FRMD4A: variants seen among roughly 807,000 people sequenced by gnomAD.
FRMD4A encodes the protein FERM domain containing 4A.
A neutral mutation model predicts 129.1 loss-of-function variants in FRMD4A; 29 were observed. That is an observed-to-expected ratio of 0.22 (90% CI 0.17 to 0.31). The LOEUF (loss-of-function observed/expected upper bound fraction) is 0.31, where lower values mean the gene tolerates loss of function less well. FRMD4A is among the 10% of genes least tolerant of loss of function. FRMD4A has a pLI of 1.00. For synonymous variants in FRMD4A, 634 were observed against 571.6 expected (o/e 1.11, Z -1.56); for missense variants, 1,272 against 1,375.8 (o/e 0.92, Z 1.19).
intron 2 of FRMD4A, among the ~76,000 whole-genome samples, chr10:13,902,456 G>GGAGAGGGAGAGA (rs1554963860): frequency 1.6e-5 from 2 of 127,700 alleles, no homozygotes; most frequent in East Asian, 4.5e-4. Context: ...GCAAAATACT[G>GGAGAGGGAGAGA]GAGAGAGAGA....
chr10:14,285,675 A>C (rs1181004900), intron 2 of FRMD4A, among the ~76,000 whole-genome samples: 1 of 152,254 alleles, frequency 6.6e-6, no homozygotes, highest in East Asian at 1.9e-4. Flanking sequence ...GGTTTATATG[A>C]AATACCAGGT....
At chr10:13,667,104 G>A (rs1564559927) in intron 17 of FRMD4A, among the ~76,000 whole-genome samples, 1 of 152,020 alleles carries the variant, frequency 6.6e-6, no homozygotes, top group South Asian at 2.1e-4. Flanking sequence ...TAGAGATGGG[G>A]TTTTACCATG....
chr10:13,862,706 G>T (rs957173926), intron 2 of FRMD4A, among the ~76,000 whole-genome samples: 13 of 152,216 alleles, frequency 8.5e-5, no homozygotes, highest in African/African-American at 2.4e-4. Context: ...TCTTTTGACA[G>T]CACTGCTGTG....
intron 2 of FRMD4A, among the ~76,000 whole-genome samples, chr10:14,151,151 C>T (rs1840319196): frequency 6.6e-6 from 1 of 152,188 alleles, no homozygotes; most frequent in African/African-American, 2.4e-5. Context: ...ACAGCAACCC[C>T]ACTTCTGGCT....
At chr10:14,152,794 T>G (rs1201817799) in intron 2 of FRMD4A, among the ~76,000 whole-genome samples, 1 of 151,914 alleles carries the variant, frequency 6.6e-6, no homozygotes, top group Non-Finnish European at 1.5e-5. Flanking sequence ...GAGCTATGAT[T>G]GCACCACTGC....
At chr10:13,790,218 T>C (rs1473045281) in intron 5 of FRMD4A, among the ~76,000 whole-genome samples, 4 of 151,958 alleles carry the variant, frequency 2.6e-5, no homozygotes, top group African/African-American at 7.3e-5. Context: ...GCAGGGGTGA[T>C]GGTGCCCATC....
At position 14,230,201 on chromosome 10, in the gene FRMD4A, ATG is replaced by A. The variant is rs1291125758; in HGVS notation, c.45+99855_45+99856del. Among the ~76,000 whole-genome samples the A allele has an allele frequency of 2.0e-5, 3 of 152,334 alleles. 1 individual carries two copies. In the East Asian group the frequency reaches 5.8e-4, roughly 29 times the overall value. ...CAGTTGCTCATTTCCCAAATCAGAA[ATG>A]TGGGGCCCTCTCCCCCCTAGCATCT... On this transcript the variant is annotated intron_variant, in intron 2 of 24. Coordinates refer to ENST00000357447, the MANE Select transcript of FRMD4A (RefSeq NM_018027.5).
chr10:14,319,367 T>TCTCTCTCTCTCTCACA (rs112041665), intron 2 of FRMD4A, among the ~76,000 whole-genome samples: 4 of 145,050 alleles, frequency 2.8e-5, no homozygotes, highest in East Asian at 2.0e-4. Flanking sequence ...TCTCTCTCTC[T>TCTCTCTCTCTCTCACA]CACACACACA....
intron 3 of FRMD4A, among the ~76,000 whole-genome samples, chr10:13,819,196 G>T (rs544651887): frequency 6.6e-6 from 1 of 152,086 alleles, no homozygotes; most frequent in Non-Finnish European, 1.5e-5. Flanking sequence ...TGCTAGCCTG[G>T]TATTTAAGAC....
At chr10:14,127,968 T>TTCTCTCTCTCTCTCTCTC (rs1440627660) in intron 2 of FRMD4A, among the ~76,000 whole-genome samples, 1 of 33,612 alleles carries the variant, frequency 3.0e-5, no homozygotes, top group Admixed American at 3.2e-4. Context: ...CTTTCTTTCT[T>TTCTCTCTCTCTCTCTCTC]TCTTTCTTTC....
intron 17 of FRMD4A, among the ~76,000 whole-genome samples, chr10:13,666,593 T>C (rs958365317): frequency 2.0e-5 from 3 of 152,222 alleles, no homozygotes; most frequent in African/African-American, 7.2e-5. Context: ...TAGGGATCGC[T>C]TGGCTGTGTT....
chr10:13,800,860 G>T (rs2093237789), intron 4 of FRMD4A, among the ~76,000 whole-genome samples: 1 of 152,188 alleles, frequency 6.6e-6, no homozygotes, highest in Non-Finnish European at 1.5e-5. Context: ...CTAAAAGAAT[G>T]ACTTTTTAAG....
In FRMD4A at chr10:13,715,836, G is replaced by A. The variant is rs531570972; in HGVS notation, c.760-8723C>T. 2.0e-5 allele frequency among the ~76,000 whole-genome samples: 3 copies of A among 151,028 alleles called. No individual in the cohort carries two copies. The East Asian group carries it at 5.8e-4, about 29-fold the overall frequency. ...AAGCAGAATTGCTTGAATTCGGGAG[G>A]CGGAGGTTGCAGTGAGCAGAGACGT... On this transcript the variant is annotated intron_variant, in intron 12 of 24. Coordinates refer to ENST00000357447, the MANE Select transcript of FRMD4A (RefSeq NM_018027.5).
chr10:13,950,887 C>T lies in FRMD4A; in HGVS notation c.46-91975G>A, dbSNP rs552150120. On this transcript the variant is annotated intron_variant, in intron 2 of 24. Coordinates refer to ENST00000357447, the MANE Select transcript of FRMD4A (RefSeq NM_018027.5). Reference sequence around the variant, plus strand: ...TCTCTCTTGCCATGGAGAATGGAAGCTTCCCTTATATTTGAGAGTCACAGA... The same window carrying T: ...TCTCTCTTGCCATGGAGAATGGAAGTTTCCCTTATATTTGAGAGTCACAGA... Among the ~76,000 whole-genome samples the T allele has an allele frequency of 4.6e-5, 7 of 152,316 alleles. No homozygotes were observed. The East Asian group carries it at 7.7e-4, about 17-fold the overall frequency.
intron 2 of FRMD4A, among the ~76,000 whole-genome samples, chr10:13,872,842 CCTTTT>C (rs1387624198): frequency 2.8e-4 from 43 of 152,086 alleles, no homozygotes; most frequent in African/African-American, 9.7e-4. Flanking sequence ...CAAGTATCTA[CCTTTT>C]CTTTTGTTTT....
chr10:13,954,600 G>A (rs532571365), intron 2 of FRMD4A, among the ~76,000 whole-genome samples: 1 of 152,152 alleles, frequency 6.6e-6, no homozygotes, highest in Admixed American at 6.5e-5. Flanking sequence ...CAAGTCATGG[G>A]AAGGGGAATT....
chr10:14,041,871 C>T (rs1378155173), intron 2 of FRMD4A, among the ~76,000 whole-genome samples: 1 of 152,130 alleles, frequency 6.6e-6, no homozygotes, highest in Non-Finnish European at 1.5e-5. Context: ...GAAAACTCAA[C>T]TATGCTGGTA....
chr10:14,008,428 C>G, intron 2 of FRMD4A: 1 of 1,013,256 alleles, frequency 9.9e-7, no homozygotes, highest in Non-Finnish European at 1.2e-6. Context: ...CCATCTGTCC[C>G]TCTGCACAGC....
intron 15 of FRMD4A, among the ~76,000 whole-genome samples, chr10:13,675,430 C>A (rs140664507): frequency 6.6e-6 from 1 of 152,212 alleles, no homozygotes; most frequent in Non-Finnish European, 1.5e-5. Context: ...TTGAGACAGT[C>A]TCACTCTGTC....
Sources: allele counts gnomAD v4.1 joint callset (sites outside exome capture counted in the v4.1 genomes callset), GRCh38; gene constraint gnomAD v4.1.1; transcripts MANE v1.5; gene names NCBI Gene and HGNC (gene_info 2026-07-23, HGNC 2026-07-21).